DEPTOR: variants seen among roughly 807,000 people sequenced by gnomAD.
The protein encoded by DEPTOR is DEP domain containing MTOR interacting protein, also known as DEP domain-containing mTOR-interacting protein.
A neutral mutation model predicts 41.6 loss-of-function variants in DEPTOR; 41 were observed. The ratio of observed to expected loss-of-function variants is 0.98; its 90% confidence interval spans 0.77 to 1.28. DEPTOR has a LOEUF of 1.28. Among genes scored for constraint, DEPTOR ranks in the 50% most tolerant of loss-of-function variants. The pLI is 0.00. For synonymous variants in DEPTOR, 195 were observed against 192.3 expected, an observed-to-expected ratio of 1.01 and a Z score of -0.12; for missense variants, 514 against 527.9, an observed-to-expected ratio of 0.97 and a Z score of 0.26.
intron 3 of DEPTOR, among the ~76,000 whole-genome samples, chr8:119,938,944 G>GCTCGCT (rs1828164531): frequency 7.9e-6 from 1 of 125,944 alleles, no homozygotes; most frequent in Admixed American, 9.0e-5. Context: ...GTTCCTTCTT[G>GCTCGCT]CTCTCTCTCT....
intron 4 of DEPTOR, among the ~76,000 whole-genome samples, chr8:119,984,481 G>T (rs547918422): frequency 1.3e-5 from 2 of 151,966 alleles, no homozygotes; most frequent in South Asian, 2.1e-4. Flanking sequence ...ATGTGTTCTC[G>T]TTGTTCAGCT....
At chr8:119,961,416 C>CAAA (rs34706393) in intron 3 of DEPTOR, among the ~76,000 whole-genome samples, 18 of 108,578 alleles carry the variant, frequency 1.7e-4, no homozygotes, top group Admixed American at 3.5e-4. Flanking sequence ...AACTCCGTAT[C>CAAA]AAAAAAAAAA....
intron 4 of DEPTOR, among the ~76,000 whole-genome samples, chr8:119,996,455 C>T (rs1278782877): frequency 6.6e-6 from 1 of 152,130 alleles, no homozygotes; most frequent in Non-Finnish European, 1.5e-5. Flanking sequence ...TGTTTGAGGT[C>T]ACCTGTTCTA....
intron 8 of DEPTOR, among the ~76,000 whole-genome samples, chr8:120,047,523 A>G (rs1813169759): frequency 6.6e-6 from 1 of 150,418 alleles, no homozygotes; most frequent in South Asian, 2.1e-4. Context: ...ATCCGCCACC[A>G]CGCCCAGCTA....
At chr8:120,038,564 A>C (rs1272112564) in intron 8 of DEPTOR, among the ~76,000 whole-genome samples, 1 of 151,110 alleles carries the variant, frequency 6.6e-6, no homozygotes, top group South Asian at 2.1e-4. Flanking sequence ...CTGCACTCCA[A>C]CCTGTGTGAC....
At chr8:119,882,410 TA>T (rs1333280178) in intron 1 of DEPTOR, among the ~76,000 whole-genome samples, 10 of 152,184 alleles carry the variant, frequency 6.6e-5, no homozygotes, top group African/African-American at 1.9e-4. Flanking sequence ...TTTTTATTTT[TA>T]TTTTTTTAGA....
At chr8:119,920,743 A>C (rs1411533871) in intron 1 of DEPTOR, among the ~76,000 whole-genome samples, 2 of 152,136 alleles carry the variant, frequency 1.3e-5, no homozygotes, top group East Asian at 3.9e-4. Context: ...CAGGGAGTCG[A>C]GTCCCACTCA....
Position 120,049,722 on chromosome 8 carries a change from C to A in DEPTOR, c.*18C>A, listed in dbSNP as rs117391704. The A allele has an allele frequency of 0.017, 27,154 of 1,613,032 alleles. 316 individuals are homozygous for A. Among genetic ancestry groups the A allele is most frequent in the Non-Finnish European group, 0.021 (24,352 of 1,179,490 alleles). ...AGTGCTGAGCTCCTGGGCCTCCCAGCCCTCCAGTGGCCTGTGGGTGAGGGA... is the reference window on the plus strand; with the variant it reads ...AGTGCTGAGCTCCTGGGCCTCCCAGACCTCCAGTGGCCTGTGGGTGAGGGA... On this transcript the variant is annotated 3_prime_UTR_variant, in exon 9 of 9. Coordinates refer to ENST00000286234, the MANE Select transcript of DEPTOR (RefSeq NM_022783.4).
At chr8:120,028,150 AC>A (rs1468320869) in intron 8 of DEPTOR, among the ~76,000 whole-genome samples, 1 of 151,968 alleles carries the variant, frequency 6.6e-6, no homozygotes, top group African/African-American at 2.4e-5. Context: ...TAGATGATGT[AC>A]TTTTTTTTTC....
chr8:119,944,657 CTTT>C (rs11428615), intron 3 of DEPTOR, among the ~76,000 whole-genome samples: 14 of 136,956 alleles, frequency 1.0e-4, no homozygotes, highest in East Asian at 4.3e-4. Context: ...TCTTTCTTTT[CTTT>C]TTTTTTTTTT....
chr8:119,903,526 T>A (rs562086782), intron 1 of DEPTOR, among the ~76,000 whole-genome samples: 1 of 152,352 alleles, frequency 6.6e-6, no homozygotes, highest in East Asian at 1.9e-4. Context: ...ATAGTGAAGT[T>A]GTTGAAACTT....
intron 4 of DEPTOR, among the ~76,000 whole-genome samples, chr8:119,978,593 A>AC (rs1267416632): frequency 6.6e-6 from 1 of 151,928 alleles, no homozygotes; most frequent in Non-Finnish European, 1.5e-5. Flanking sequence ...TCCATCACAG[A>AC]CCTTTTTTCT....
intron 1 of DEPTOR, among the ~76,000 whole-genome samples, chr8:119,893,968 A>G (rs900451549): frequency 1.3e-5 from 2 of 152,168 alleles, no homozygotes; most frequent in Non-Finnish European, 2.9e-5. Context: ...CACCATCACT[A>G]TGGTAGTCAT....
intron 3 of DEPTOR, among the ~76,000 whole-genome samples, chr8:119,930,323 G>C (rs898305166): frequency 6.6e-6 from 1 of 151,966 alleles, no homozygotes; most frequent in Non-Finnish European, 1.5e-5. Context: ...TGCAACCTCC[G>C]TCTTCTGGGT....
At chr8:119,921,380 T>A (rs527364122) in intron 1 of DEPTOR, among the ~76,000 whole-genome samples, 2 of 152,300 alleles carry the variant, frequency 1.3e-5, no homozygotes, top group Admixed American at 1.3e-4. Flanking sequence ...AGTGTGAAAA[T>A]TTTTATCTCT....
rs990934074 is a variant in DEPTOR at position 119,998,197 on chromosome 8, T to C, written c.605-3328T>C. ...TCCACCTCCCAGGCTCAAGCGATCC[T>C]CCCAGCTCAGCCTCCTGAGTAGTTG... On this transcript the variant is annotated intron_variant, in intron 4 of 8. Transcript: ENST00000286234. Among the ~76,000 whole-genome samples the C allele has an allele frequency of 4.6e-4, 70 of 152,306 alleles. 1 individual carries two copies. The highest frequency in any genetic ancestry group is 3.4e-3 in the Middle Eastern group (1 of 294).
In DEPTOR at chr8:119,874,271, C is replaced by T. The variant is rs913345894; in HGVS notation, c.122+303C>T. The stretch of plus-strand genomic sequence containing the variant: ...AAGTCCCTGCCACCCACCGCGCTGT[C>T]CGTCTTCCCGTGTACCTGGACGCCG... On this transcript the variant is annotated intron_variant, in intron 1 of 8. Transcript: ENST00000286234. 2.1e-5 allele frequency: 8 copies of T among 389,292 alleles called. No individual in the cohort carries two copies. The South Asian group carries it at 2.5e-4, about 12-fold the overall frequency. The allele number at this position is 389,292 out of a possible 1,614,324, so 24.1% of individuals were successfully genotyped here. A position where few individuals can be genotyped will look rare whatever the true frequency, so the allele number is the denominator to read the frequency against.
chr8:119,924,181 G>T (rs1372942306), intron 1 of DEPTOR, among the ~76,000 whole-genome samples: 5 of 152,106 alleles, frequency 3.3e-5, no homozygotes, highest in Non-Finnish European at 5.9e-5. Context: ...CTGAGGTGTT[G>T]TTCAACTTCC....
chr8:119,887,269 G>A (rs1379007021), intron 1 of DEPTOR, among the ~76,000 whole-genome samples: 28 of 143,612 alleles, frequency 1.9e-4, no homozygotes, highest in South Asian at 2.3e-4. Flanking sequence ...TGCCTCCAGG[G>A]TTCAAGTGAT....
Sources: gnomAD v4.1 joint callset for allele counts (sites outside exome capture counted in the v4.1 genomes callset) on GRCh38, gnomAD v4.1.1 for gene constraint, MANE v1.5 for transcripts, NCBI Gene and HGNC (gene_info 2026-07-23, HGNC 2026-07-21) for gene names.